Variants in SPMIP9 observed in about 807,000 individuals in gnomAD.
SPMIP9 encodes protein SPMIP9.
the SPMIP9 span, chr2:88,525,635 G>T: frequency 1.6e-5 from 26 of 1,614,196 alleles, no homozygotes; most frequent in Non-Finnish European, 2.1e-5. Context: ...CTGTGTCTAG[G>T]TCGTTTGCCA....
At chr2:88,525,590 C>T in the SPMIP9 span, 1 of 1,612,176 alleles carries the variant, frequency 6.2e-7, no homozygotes, top group African/African-American at 1.3e-5. Context: ...TGGCTACTTT[C>T]CTTGTCTGTG....
the SPMIP9 span, chr2:88,529,425 A>G: frequency 6.2e-7 from 1 of 1,614,044 alleles, no homozygotes. Flanking sequence ...CATATAGTCA[A>G]GGTCCCCATC....
At chr2:88,529,409 C>T in the SPMIP9 span, 29 of 1,613,970 alleles carry the variant, frequency 1.8e-5, no homozygotes, top group East Asian at 5.6e-4. Context: ...TCCCTGTCTT[C>T]ATTGCCATAT....
the SPMIP9 span, among the ~76,000 whole-genome samples, chr2:88,528,218 A>G: frequency 1.3e-5 from 2 of 150,224 alleles, no homozygotes; most frequent in Non-Finnish European, 3.0e-5. Context: ...GCTCACTGCA[A>G]CCTCCGCCTC....
chr2:88,529,184 G>T, the SPMIP9 span: 2 of 1,614,108 alleles, frequency 1.2e-6, no homozygotes, highest in Non-Finnish European at 1.7e-6. Context: ...GGGACTCCCC[G>T]GCTTCTTCCC....
chr2:88,527,943 G>A, the SPMIP9 span, among the ~76,000 whole-genome samples: 1 of 151,976 alleles, frequency 6.6e-6, no homozygotes, highest in Non-Finnish European at 1.5e-5. Flanking sequence ...CAGTTTGGTG[G>A]GTGCAAAATC....
the SPMIP9 span, chr2:88,525,574 A>G: frequency 6.3e-7 from 1 of 1,591,992 alleles, no homozygotes; most frequent in Non-Finnish European, 8.6e-7. Flanking sequence ...CACAGCTTGA[A>G]GATAGTGGCT....
chr2:88,526,626 C>T, the SPMIP9 span: 49 of 727,598 alleles, frequency 6.7e-5, no homozygotes, highest in Admixed American at 6.1e-4. Context: ...GGAGATATGA[C>T]TTAGAGATCT....
At chr2:88,529,052 C>T in the SPMIP9 span, 17 of 1,607,310 alleles carry the variant, frequency 1.1e-5, 1 homozygote, top group South Asian at 1.9e-4. Flanking sequence ...GTTTCCACAG[C>T]AGGCAAAGCT....
chr2:88,529,287 C>T, the SPMIP9 span: 1 of 1,614,154 alleles, frequency 6.2e-7, no homozygotes, highest in Non-Finnish European at 8.5e-7. Context: ...CTGCACCTGG[C>T]CCAGGGTGAC....
At chr2:88,526,635 C>A in the SPMIP9 span, 3 of 701,304 alleles carry the variant, frequency 4.3e-6, no homozygotes, top group East Asian at 2.7e-5. Flanking sequence ...ACTTAGAGAT[C>A]TTTTCTGTGC....
chr2:88,528,437 C>G, the SPMIP9 span, among the ~76,000 whole-genome samples: 2 of 152,122 alleles, frequency 1.3e-5, no homozygotes, highest in African/African-American at 2.4e-5. Context: ...CACACCTGGC[C>G]CTAAGCATTT....
chr2:88,526,192 C>T, the SPMIP9 span, among the ~76,000 whole-genome samples: 1 of 152,062 alleles, frequency 6.6e-6, no homozygotes, highest in Non-Finnish European at 1.5e-5. Context: ...AGAGCACATG[C>T]CAGGCCCATG....
chr2:88,525,043 C>T, the SPMIP9 span, among the ~76,000 whole-genome samples: 1 of 152,166 alleles, frequency 6.6e-6, no homozygotes, highest in Admixed American at 6.5e-5. Flanking sequence ...TTGCAACTTT[C>T]TTCACCTTGG....
the SPMIP9 span, among the ~76,000 whole-genome samples, chr2:88,528,081 T>C: frequency 1.3e-5 from 2 of 152,158 alleles, no homozygotes. Context: ...CTACTGGGTT[T>C]CTTGTCTTTT....
chr2:88,526,918 G>A, the SPMIP9 span, among the ~76,000 whole-genome samples: 2 of 152,004 alleles, frequency 1.3e-5, no homozygotes, highest in African/African-American at 2.4e-5. Context: ...CACCTGCCTC[G>A]GCCTCCCAAA....
the SPMIP9 span, among the ~76,000 whole-genome samples, chr2:88,526,701 G>A: frequency 0.29 from 44,699 of 151,666 alleles, 7,025 homozygotes; most frequent in Middle Eastern, 0.43. Context: ...GTCTTACTCT[G>A]TCACCCAGGC....
chr2:88,529,021 C>T, the SPMIP9 span: 5 of 1,586,646 alleles, frequency 3.2e-6, no homozygotes, highest in African/African-American at 1.3e-5. Flanking sequence ...TCTCTCTCAC[C>T]CCTCCATTCA....
At chr2:88,528,383 T>C in the SPMIP9 span, among the ~76,000 whole-genome samples, 1 of 152,028 alleles carries the variant, frequency 6.6e-6, no homozygotes, top group Non-Finnish European at 1.5e-5. Flanking sequence ...AGTGATCCAC[T>C]CACCTCAGCC....
Sources: gnomAD v4.1 joint callset for allele counts (sites outside exome capture counted in the v4.1 genomes callset) on GRCh38, gnomAD v4.1.1 for gene constraint, MANE v1.5 for transcripts, NCBI Gene and HGNC (gene_info 2026-07-23, HGNC 2026-07-21) for gene names.